The following DIAPH3 variants were observed in gnomAD, a reference collection of about 807,000 sequenced individuals.
The protein encoded by DIAPH3 is diaphanous related formin 3.
In DIAPH3, 117 loss-of-function variants were observed where a neutral mutation model predicts 144.3. The ratio of observed to expected loss-of-function variants is 0.81; its 90% confidence interval spans 0.70 to 0.95. The LOEUF (loss-of-function observed/expected upper bound fraction) is 0.95. Ranked by LOEUF, DIAPH3 falls within the 40% of genes least tolerant of loss-of-function variation. The pLI is 0.00. For synonymous variants in DIAPH3, 519 were observed against 488.9 expected (o/e 1.06, Z -0.81); for missense variants, 1,421 against 1,412.7 (o/e 1.01, Z -0.09).
intron 17 of DIAPH3, among the ~76,000 whole-genome samples, chr13:59,945,763 C>A (rs1008861243): frequency 6.6e-6 from 1 of 152,172 alleles, no homozygotes; most frequent in African/African-American, 2.4e-5. Context: ...GGAATATTGA[C>A]ATGAGAACCA....
chr13:59,848,307 C>CTTTTTTTTTTTTTTTTTTT (rs71089517), intron 22 of DIAPH3, among the ~76,000 whole-genome samples: 9 of 128,054 alleles, frequency 7.0e-5, no homozygotes, highest in Non-Finnish European at 1.3e-4. Context: ...AAAGTCAAAT[C>CTTTTTTTTTTTTTTTTTTT]TTTTTTTTTT....
chr13:59,991,422 G>A, intron 11 of DIAPH3, 148 bp from the exon 12 acceptor site: 2 of 659,012 alleles, frequency 3.0e-6, no homozygotes, highest in East Asian at 2.7e-5. Context: ...AGGATTGAGG[G>A]TAGTGGAAAA....
chr13:59,899,614 GACT>G (rs1220964782), intron 20 of DIAPH3, among the ~76,000 whole-genome samples: 1 of 152,176 alleles, frequency 6.6e-6, no homozygotes. Flanking sequence ...GAGCCTTGTA[GACT>G]ACTACAAGAA....
chr13:59,723,959 TAAAAA>T (rs144643410), intron 27 of DIAPH3, among the ~76,000 whole-genome samples: 24 of 133,744 alleles, frequency 1.8e-4, no homozygotes, highest in Admixed American at 2.3e-4. Flanking sequence ...TGTTAAAAGT[TAAAAA>T]AAAAAAAAAA....
chr13:60,037,726 T>C (rs1169405610), intron 5 of DIAPH3, among the ~76,000 whole-genome samples: 9 of 151,930 alleles, frequency 5.9e-5, no homozygotes, highest in Admixed American at 3.9e-4. Flanking sequence ...AAATTAAAAA[T>C]TCAAAATGAA....
intron 27 of DIAPH3, among the ~76,000 whole-genome samples, chr13:59,723,461 G>T (rs1046206756): frequency 8.7e-5 from 13 of 150,076 alleles, no homozygotes; most frequent in East Asian, 1.9e-4. Flanking sequence ...ACTATATATT[G>T]TGTGTGTGTG....
chr13:59,767,999 A>C (rs1368949649), intron 27 of DIAPH3, among the ~76,000 whole-genome samples: 1 of 152,192 alleles, frequency 6.6e-6, no homozygotes, highest in Non-Finnish European at 1.5e-5. Flanking sequence ...GGGCATCCTT[A>C]CCTAGGCAGG....
At chr13:59,832,304 T>A (rs544475057) in intron 24 of DIAPH3, among the ~76,000 whole-genome samples, 6 of 151,824 alleles carry the variant, frequency 4.0e-5, no homozygotes, top group Non-Finnish European at 8.8e-5. Flanking sequence ...ACTAAATAAT[T>A]ATAACCAAGT....
At chr13:59,977,168 T>G (rs2050726533) in intron 14 of DIAPH3, among the ~76,000 whole-genome samples, 1 of 151,686 alleles carries the variant, frequency 6.6e-6, no homozygotes, top group Non-Finnish European at 1.5e-5. Flanking sequence ...GCACAGTGGC[T>G]GATGGAGAAG....
chr13:60,024,781 C>T (rs72626802), intron 5 of DIAPH3, among the ~76,000 whole-genome samples: 9,596 of 152,188 alleles, frequency 0.063, 458 homozygotes, highest in East Asian at 0.28. Context: ...GAAGAGAAAG[C>T]ACCACCTCAT....
Position 59,971,019 on chromosome 13 carries a change from G to C in DIAPH3, c.1792C>G (p.Pro598Ala). 6.2e-7 allele frequency: 1 copy of C among 1,613,312 alleles called. No individual in the cohort carries two copies. Among genetic ancestry groups the C allele is most frequent in the Non-Finnish European group, 8.5e-7 (1 of 1,179,510 alleles). Reference protein sequence around the residue: ...PPPPPPPPPPPLPGMRMPFSG... With the variant: ...PPPPPPPPPPALPGMRMPFSG... ...AATGGCATCCGCATTCCTGGAAGTGGAGGAGGTGGTGGGGGAGGAGGTGGA... is the reference window on the plus strand; with the variant it reads ...AATGGCATCCGCATTCCTGGAAGTGCAGGAGGTGGTGGGGGAGGAGGTGGA... The change falls in exon 16 of 28, where the codon CCA becomes GCA. Residue 598 changes from proline (P) to alanine (A), a missense_variant. Pro to Ala is a conservative substitution (Grantham distance 27, BLOSUM62 -1). Transcript: ENST00000400324.
At chr13:60,114,081 C>T (rs2058639185) in intron 2 of DIAPH3, among the ~76,000 whole-genome samples, 1 of 152,150 alleles carries the variant, frequency 6.6e-6, no homozygotes, top group African/African-American at 2.4e-5. Context: ...TGTCATAATG[C>T]CATCTAAAGG....
intron 4 of DIAPH3, among the ~76,000 whole-genome samples, chr13:60,071,833 C>CTA (rs1045985943): frequency 1.3e-5 from 2 of 152,002 alleles, no homozygotes; most frequent in Admixed American, 6.5e-5. Context: ...TCTAATCAAT[C>CTA]TAATCTAATC....
rs773890205 is a variant in DIAPH3, at chr13:59,749,681, TATA to T, written c.3319+24505_3319+24507del. On this transcript the variant is annotated intron_variant, in intron 27 of 27. Coordinates refer to ENST00000400324, the MANE Select transcript of DIAPH3 (RefSeq NM_001042517.2). ...ATATAAAATTCACAAATAAGAAGTA[TATA>T]ATATTTTAAAAATAGTATTATACAG... Among the ~76,000 whole-genome samples the T allele has an allele frequency of 1.3e-4, 19 of 151,960 alleles. 1 individual carries two copies. In the East Asian group the frequency reaches 1.3e-3, roughly 11 times the overall value.
chr13:59,962,254 C>A (rs776375323), intron 17 of DIAPH3, among the ~76,000 whole-genome samples: 6 of 152,150 alleles, frequency 3.9e-5, no homozygotes, highest in Non-Finnish European at 8.8e-5. Flanking sequence ...GAAGTGGACC[C>A]TTTCTCAAAA....
At chr13:59,975,416 G>A (rs2050621949) in intron 14 of DIAPH3, among the ~76,000 whole-genome samples, 1 of 151,976 alleles carries the variant, frequency 6.6e-6, no homozygotes, top group Non-Finnish European at 1.5e-5. Context: ...GCTAGTAAAA[G>A]ATGTGAGATT....
chr13:59,708,001 A>G (rs2034522473), intron 27 of DIAPH3, among the ~76,000 whole-genome samples: 1 of 151,992 alleles, frequency 6.6e-6, no homozygotes, highest in South Asian at 2.1e-4. Context: ...AAAAAAAACA[A>G]AAAACCCTTC....
chr13:60,119,579 C>G (rs2058786028), intron 2 of DIAPH3, among the ~76,000 whole-genome samples: 1 of 151,146 alleles, frequency 6.6e-6, no homozygotes, highest in Non-Finnish European at 1.5e-5. Flanking sequence ...AACCCCGTCT[C>G]TACTAAAAAT....
At chr13:60,095,890 T>C (rs1422549800) in intron 3 of DIAPH3, among the ~76,000 whole-genome samples, 2 of 152,192 alleles carry the variant, frequency 1.3e-5, no homozygotes, top group African/African-American at 4.8e-5. Context: ...GGAAATACTG[T>C]CTGTGGTATC....
Sources: gnomAD v4.1 joint callset for allele counts (sites outside exome capture counted in the v4.1 genomes callset) on GRCh38, gnomAD v4.1.1 for gene constraint, MANE v1.5 for transcripts, NCBI Gene and HGNC (gene_info 2026-07-23, HGNC 2026-07-21) for gene names.